Variants in ATF1 observed in about 807,000 individuals in gnomAD.
ATF1 encodes activating transcription factor 1.
A neutral mutation model predicts 34.7 loss-of-function variants in ATF1; 16 were observed. That is an observed-to-expected ratio of 0.46 (90% CI 0.31 to 0.70). The LOEUF (loss-of-function observed/expected upper bound fraction) is 0.70. Ranked by LOEUF, ATF1 falls within the 30% of genes least tolerant of loss-of-function variation. The probability of loss-of-function intolerance (pLI) is 0.05; values close to 1 mark genes in which losing one functional copy is unlikely to be tolerated. For synonymous variants in ATF1, 105 were observed against 113.1 expected (o/e 0.93, Z 0.46); for missense variants, 255 against 321.6 (o/e 0.79, Z 1.58).
intron 1 of ATF1, among the ~76,000 whole-genome samples, chr12:50,777,567 C>T (rs944550401): frequency 1.3e-5 from 2 of 152,018 alleles, no homozygotes; most frequent in Non-Finnish European, 1.5e-5. Flanking sequence ...CTTGAGCCTA[C>T]GCATTCAAGA....
At chr12:50,765,248 C>A (rs958637922) in intron 1 of ATF1, among the ~76,000 whole-genome samples, 1 of 152,124 alleles carries the variant, frequency 6.6e-6, no homozygotes, top group Non-Finnish European at 1.5e-5. Flanking sequence ...TGCATTTTAA[C>A]CTGAGGTTTT....
At chr12:50,788,037 G>A (rs181905913) in intron 2 of ATF1, among the ~76,000 whole-genome samples, 192 of 152,208 alleles carry the variant, frequency 1.3e-3, no homozygotes, top group African/African-American at 4.5e-3. Flanking sequence ...TGGAGTTTGG[G>A]GACATTGAAG....
intron 2 of ATF1, among the ~76,000 whole-genome samples, chr12:50,782,553 C>CA (rs1941089929): frequency 7.1e-6 from 1 of 140,156 alleles, no homozygotes; most frequent in Non-Finnish European, 1.6e-5. Flanking sequence ...CCACACCCGG[C>CA]CTTTTTTTTT....
intron 1 of ATF1, among the ~76,000 whole-genome samples, chr12:50,766,357 T>G (rs1283170043): frequency 1.3e-5 from 2 of 152,164 alleles, no homozygotes; most frequent in East Asian, 3.9e-4. Flanking sequence ...TAACTCCCTC[T>G]CAGCTAAGAA....
intron 1 of ATF1, 47 bp from the exon 2 acceptor site, chr12:50,780,093 C>T: frequency 7.1e-7 from 1 of 1,399,086 alleles, no homozygotes; most frequent in East Asian, 2.3e-5. Context: ...ATACTGTAAA[C>T]ATTCTGTATC....
At chr12:50,801,397 C>G (rs1201773569) in intron 3 of ATF1, among the ~76,000 whole-genome samples, 1 of 151,900 alleles carries the variant, frequency 6.6e-6, no homozygotes, top group Non-Finnish European at 1.5e-5. Context: ...TTCAAATAAT[C>G]CAAAATAATG....
In ATF1 at chr12:50,770,424, GA is replaced by G. The variant is rs775593382; in HGVS notation, c.-7+6118del. Among the ~76,000 whole-genome samples, 100 of 152,094 alleles carry G rather than the reference GA, an allele frequency of 6.6e-4. 1 individual carries two copies. Among genetic ancestry groups the G allele is most frequent in the Admixed American group, 2.6e-4 (4 of 15,252 alleles). On this transcript the variant is annotated intron_variant, in intron 1 of 6. Coordinates refer to ENST00000262053, the MANE Select transcript of ATF1 (RefSeq NM_005171.5). ...GAATGTCACTTTCTCACCTGTCCAG[GA>G]GCCCCAAGTTATCTTGGGACCTCAA...
chr12:50,786,831 GT>G (rs1422442148), intron 2 of ATF1, among the ~76,000 whole-genome samples: 1 of 152,154 alleles, frequency 6.6e-6, no homozygotes, highest in East Asian at 1.9e-4. Context: ...TGTTGGTGCT[GT>G]CAAGTCAAGC....
intron 1 of ATF1, among the ~76,000 whole-genome samples, chr12:50,773,112 T>C (rs1940818610): frequency 6.6e-6 from 1 of 152,368 alleles, no homozygotes; most frequent in South Asian, 2.1e-4. Context: ...TTCCTTTTTA[T>C]GGCTGCATAG....
intron 6 of ATF1, among the ~76,000 whole-genome samples, chr12:50,819,145 C>A (rs978917442): frequency 1.3e-5 from 2 of 152,122 alleles, no homozygotes; most frequent in Admixed American, 1.3e-4. Context: ...TGCAGCTAAC[C>A]CTAGAAACAT....
rs567703604 is a variant in ATF1, at chr12:50,820,899, A to T, written c.*1120A>T. The T allele has an allele frequency of 1.1e-5, 2 of 179,438 alleles. No individual in the cohort carries two copies. Among genetic ancestry groups the T allele is most frequent in the African/African-American group, 4.7e-5 (2 of 42,446 alleles). The allele number at this position is 179,438 out of a possible 1,614,324, so 11.1% of individuals were successfully genotyped here. A position where few individuals can be genotyped will look rare whatever the true frequency, so the allele number is the denominator to read the frequency against. On this transcript the variant is annotated 3_prime_UTR_variant, in exon 7 of 7. Coordinates refer to ENST00000262053, the MANE Select transcript of ATF1 (RefSeq NM_005171.5). ...ATAGTTTAGTAAAATTTGCATCTCA[A>T]AGTATCATTTTTATATTATGGGACG... is the stretch of plus-strand genomic sequence containing the variant.
At chr12:50,794,285 G>A (rs1014308715) in intron 2 of ATF1, among the ~76,000 whole-genome samples, 2 of 151,232 alleles carry the variant, frequency 1.3e-5, no homozygotes, top group Non-Finnish European at 2.9e-5. Flanking sequence ...AGATGAAGTC[G>A]GCCAGGCACA....
At chr12:50,794,766 T>C (rs1941377243) in intron 2 of ATF1, among the ~76,000 whole-genome samples, 2 of 148,610 alleles carry the variant, frequency 1.3e-5, no homozygotes, top group Admixed American at 1.3e-4. Flanking sequence ...TAAAAAAAAA[T>C]GAATTAGCTG....
At chr12:50,817,776 A>C (rs1941872620) in intron 6 of ATF1, among the ~76,000 whole-genome samples, 1 of 152,238 alleles carries the variant, frequency 6.6e-6, no homozygotes, top group African/African-American at 2.4e-5. Flanking sequence ...TCTGTAAATA[A>C]GAGACCTAAC....
intron 3 of ATF1, among the ~76,000 whole-genome samples, chr12:50,809,226 T>C (rs1173473093): frequency 6.6e-6 from 1 of 151,852 alleles, no homozygotes; most frequent in Non-Finnish European, 1.5e-5. Context: ...ATACAAAAAT[T>C]AGCTGGGTGT....
chr12:50,763,912 C>A (rs150775052), upstream of ATF1, among the ~76,000 whole-genome samples: 2 of 152,184 alleles, frequency 1.3e-5, no homozygotes, highest in Non-Finnish European at 2.9e-5. Flanking sequence ...TTCCGAGGAA[C>A]CCCTAGCCAC....
At chr12:50,805,281 C>A (rs183548001) in intron 3 of ATF1, among the ~76,000 whole-genome samples, 52 of 152,102 alleles carry the variant, frequency 3.4e-4, no homozygotes, top group African/African-American at 1.3e-3. Context: ...GAAGGCTAGG[C>A]ACGGTGGCTC....
intron 2 of ATF1, among the ~76,000 whole-genome samples, chr12:50,789,614 C>T (rs1941258265): frequency 1.3e-5 from 2 of 151,942 alleles, no homozygotes; most frequent in East Asian, 3.9e-4. Context: ...AAAAATTAGC[C>T]GGAAGTAGTG....
intron 1 of ATF1, among the ~76,000 whole-genome samples, chr12:50,779,545 T>C (rs1213623702): frequency 2.0e-5 from 3 of 150,434 alleles, no homozygotes; most frequent in African/African-American, 7.5e-5. Flanking sequence ...TGGCTAGCCC[T>C]CTCTCTTTTT....
Sources: allele counts gnomAD v4.1 joint callset (sites outside exome capture counted in the v4.1 genomes callset), GRCh38; gene constraint gnomAD v4.1.1; transcripts MANE v1.5; gene names NCBI Gene and HGNC (gene_info 2026-07-23, HGNC 2026-07-21).